The following NAALADL2 variants were observed in gnomAD, a reference collection of about 807,000 sequenced individuals.
NAALADL2 encodes the protein inactive N-acetylated-alpha-linked acidic dipeptidase-like protein 2.
NAALADL2 carries 76 observed loss-of-function variants against 87.2 expected under a neutral mutation model. The ratio of observed to expected loss-of-function variants is 0.87; its 90% confidence interval spans 0.72 to 1.05. NAALADL2 has a LOEUF of 1.05. Among genes scored for constraint, NAALADL2 ranks in the 50% least tolerant of loss-of-function variants. The pLI is 0.00. For synonymous variants in NAALADL2, 354 were observed against 331.0 expected (o/e 1.07, Z -0.75); for missense variants, 1,089 against 945.8 (o/e 1.15, Z -1.99).
Position 175,785,310 on chromosome 3 carries a change from A to G in NAALADL2, c.2190-17695A>G, listed in dbSNP as rs1441148347. Among the ~76,000 whole-genome samples the G allele has an allele frequency of 9.3e-3, 1,389 of 149,314 alleles. 25 individuals are homozygous for G. The highest frequency in any genetic ancestry group is 0.034 in the African/African-American group (1,310 of 39,076). On this transcript the variant is annotated intron_variant, in intron 13 of 13. Transcript: ENST00000454872. ...TCTAAAGTTGACAGTGGGGTGTTAAAGTCTCCCATTATTAATGTGTGGGAG... is the reference window on the plus strand; with the variant it reads ...TCTAAAGTTGACAGTGGGGTGTTAAGGTCTCCCATTATTAATGTGTGGGAG...
At chr3:175,570,113 G>A (rs75874997) in intron 9 of NAALADL2, among the ~76,000 whole-genome samples, 3 of 152,244 alleles carry the variant, frequency 2.0e-5, no homozygotes, top group African/African-American at 7.2e-5. Flanking sequence ...CAACAGGCTT[G>A]AGACTCTTAA....
intron 1 of NAALADL2, among the ~76,000 whole-genome samples, chr3:174,946,549 G>A (rs1223081712): frequency 2.0e-5 from 3 of 152,140 alleles, no homozygotes; most frequent in Non-Finnish European, 2.9e-5. Context: ...AACAGTGCAT[G>A]TTATAGTATC....
At chr3:175,129,976 C>T (rs1401575417) in intron 2 of NAALADL2, among the ~76,000 whole-genome samples, 7 of 152,096 alleles carry the variant, frequency 4.6e-5, no homozygotes, top group Non-Finnish European at 8.8e-5. Context: ...ACACTTGTCT[C>T]TTGTCTTAAT....
chr3:175,288,057 C>T (rs959846630), intron 4 of NAALADL2, among the ~76,000 whole-genome samples: 6 of 152,050 alleles, frequency 3.9e-5, no homozygotes, highest in African/African-American at 1.2e-4. Flanking sequence ...ATGTTTAATT[C>T]GTCAGGATTC....
intron 9 of NAALADL2, among the ~76,000 whole-genome samples, chr3:175,570,397 A>G (rs1014653142): frequency 3.9e-5 from 6 of 152,218 alleles, no homozygotes; most frequent in Non-Finnish European, 7.3e-5. Flanking sequence ...TGGGCATCCC[A>G]TGGCCCAGCC....
chr3:175,532,656 T>C (rs1734238301), intron 9 of NAALADL2, among the ~76,000 whole-genome samples: 1 of 152,212 alleles, frequency 6.6e-6, no homozygotes, highest in South Asian at 2.1e-4. Flanking sequence ...ACTATACCAA[T>C]TGCTAATTGG....
At chr3:175,747,169 A>G (rs1191909039) in intron 12 of NAALADL2, among the ~76,000 whole-genome samples, 3 of 152,144 alleles carry the variant, frequency 2.0e-5, no homozygotes, top group Non-Finnish European at 4.4e-5. Flanking sequence ...CATATTTATT[A>G]TCACCTAATG....
intron 1 of NAALADL2, among the ~76,000 whole-genome samples, chr3:174,949,383 G>A (rs1312025513): frequency 6.6e-6 from 1 of 152,070 alleles, no homozygotes; most frequent in East Asian, 1.9e-4. Flanking sequence ...AGCCTGCCCA[G>A]TTCCAAGGGG....
chr3:175,255,430 C>T (rs1027877935), intron 3 of NAALADL2, among the ~76,000 whole-genome samples: 1 of 151,816 alleles, frequency 6.6e-6, no homozygotes, highest in Non-Finnish European at 1.5e-5. Flanking sequence ...GATTCTCCAT[C>T]TTTATTTTTT....
At chr3:175,305,702 A>G (rs1478125295) in intron 4 of NAALADL2, among the ~76,000 whole-genome samples, 1 of 151,958 alleles carries the variant, frequency 6.6e-6, no homozygotes, top group African/African-American at 2.4e-5. Flanking sequence ...TTGTATTTTT[A>G]GTAGAGACAG....
rs1754950963 is a variant in NAALADL2 at position 175,809,160 on chromosome 3, G to A, written c.*5957G>A. On this transcript the variant is annotated 3_prime_UTR_variant, in exon 14 of 14. Coordinates refer to ENST00000454872, the MANE Select transcript of NAALADL2 (RefSeq NM_207015.3). The stretch of plus-strand genomic sequence containing the variant: ...CTATTACTCTCTAAACAGAACTTTA[G>A]CATATCTGTTTGATAAGAAATACAC... 6.6e-6 allele frequency: 1 copy of A among 151,894 alleles called. No homozygotes were observed. Among genetic ancestry groups the A allele is most frequent in the Admixed American group, 6.6e-5 (1 of 15,204 alleles). 9.4% of individuals were successfully genotyped at this position (151,894 alleles called of 1,614,324 possible). A position where few individuals can be genotyped will look rare whatever the true frequency, so the allele number is the denominator to read the frequency against.
chr3:175,625,137 G>A (rs1726801068), intron 10 of NAALADL2, among the ~76,000 whole-genome samples: 1 of 151,978 alleles, frequency 6.6e-6, no homozygotes, highest in Non-Finnish European at 1.5e-5. Flanking sequence ...GCTAGGACCT[G>A]AAAAGTGTAA....
At chr3:175,031,703 C>T (rs2108915535) in intron 1 of NAALADL2, among the ~76,000 whole-genome samples, 1 of 152,170 alleles carries the variant, frequency 6.6e-6, no homozygotes, top group African/African-American at 2.4e-5. Context: ...AACTGCTTTC[C>T]ACCATGACTG....
At chr3:174,689,881 T>C (rs998281261) in intron 2 of NAALADL2, among the ~76,000 whole-genome samples, 2 of 152,140 alleles carry the variant, frequency 1.3e-5, no homozygotes, top group African/African-American at 2.4e-5. Flanking sequence ...TTATTGATGC[T>C]ACTCACATCA....
chr3:174,785,898 C>T (rs1716580648), intron 3 of NAALADL2, among the ~76,000 whole-genome samples: 2 of 152,138 alleles, frequency 1.3e-5, no homozygotes, highest in African/African-American at 4.8e-5. Context: ...CTCTTTACCA[C>T]TGTGTTTTCA....
intron 3 of NAALADL2, among the ~76,000 whole-genome samples, chr3:174,824,251 T>C (rs1015315659): frequency 1.3e-5 from 2 of 152,170 alleles, no homozygotes; most frequent in African/African-American, 4.8e-5. Flanking sequence ...TTTTAATTTA[T>C]TAAATAGTAG....
chr3:174,747,322 A>G (rs1262794400), intron 3 of NAALADL2, among the ~76,000 whole-genome samples: 2 of 152,168 alleles, frequency 1.3e-5, no homozygotes, highest in African/African-American at 2.4e-5. Flanking sequence ...AAAACATATG[A>G]AGAAAAGCTC....
intron 9 of NAALADL2, among the ~76,000 whole-genome samples, chr3:175,475,200 TGGG>T (rs1027260943): frequency 6.6e-6 from 1 of 152,190 alleles, no homozygotes; most frequent in Non-Finnish European, 1.5e-5. Flanking sequence ...CCTAATTTCT[TGGG>T]GGGATAAAAG....
chr3:174,797,315 T>TTTC (rs1321888582), intron 3 of NAALADL2, among the ~76,000 whole-genome samples: 9 of 127,840 alleles, frequency 7.0e-5, no homozygotes, highest in African/African-American at 2.9e-4. Flanking sequence ...CTTTTTTTTT[T>TTTC]TTTTTTTTTT....
Sources: gnomAD v4.1 joint callset for allele counts (sites outside exome capture counted in the v4.1 genomes callset) on GRCh38, gnomAD v4.1.1 for gene constraint, MANE v1.5 for transcripts, NCBI Gene and HGNC (gene_info 2026-07-23, HGNC 2026-07-21) for gene names.